Variants in LBP observed in about 807,000 individuals in gnomAD.
LBP encodes lipopolysaccharide-binding protein.
Under a neutral mutation model 56.6 loss-of-function variants are expected in LBP, and 53 were observed. The ratio of observed to expected loss-of-function variants is 0.94; its 90% CI spans 0.75 to 1.18. LBP has a LOEUF of 1.18. LBP is among the 50% of genes most tolerant of loss of function. The probability of loss-of-function intolerance (pLI) is 0.00; values close to 1 mark genes in which losing one functional copy is unlikely to be tolerated. For synonymous variants in LBP, 227 were observed against 247.5 expected, an observed-to-expected ratio of 0.92 and a Z score of 0.78; for missense variants, 601 against 598.3, an observed-to-expected ratio of 1.00 and a Z score of -0.05.
At chr20:38,363,751 C>G (rs776096320) in intron 6 of LBP, among the ~76,000 whole-genome samples, 11 of 152,036 alleles carry the variant, frequency 7.2e-5, no homozygotes, top group Non-Finnish European at 1.6e-4. Context: ...TGTCTGGAAA[C>G]TGCTTAGGCC....
At chr20:38,373,885 CTAAT>C in intron 13 of LBP, 48 bp from the exon 14 acceptor site, 2 of 1,513,432 alleles carry the variant, frequency 1.3e-6, no homozygotes, top group East Asian at 2.3e-5. Context: ...AAATCTGTCT[CTAAT>C]TATTATTTAT....
chr20:38,350,547 T>C (rs2076816835), intron 2 of LBP, among the ~76,000 whole-genome samples: 2 of 152,136 alleles, frequency 1.3e-5, no homozygotes, highest in South Asian at 2.1e-4. Context: ...CCGTGAGCAA[T>C]TGCATCCCTT....
At chr20:38,367,704 T>C (rs769458975) in intron 9 of LBP, among the ~76,000 whole-genome samples, 9 of 152,204 alleles carry the variant, frequency 5.9e-5, no homozygotes, top group Non-Finnish European at 1.3e-4. Context: ...ACCTTCTTAG[T>C]GAAGCATTTT....
chr20:38,348,376 A>G (rs1483568059), intron 1 of LBP, among the ~76,000 whole-genome samples: 40 of 151,584 alleles, frequency 2.6e-4, no homozygotes, highest in African/African-American at 9.2e-4. Flanking sequence ...GCAATGGCAC[A>G]ATCTCAGCTC....
At chr20:38,360,946 T>C (rs929423655) in intron 6 of LBP, among the ~76,000 whole-genome samples, 179 bp downstream of exon 6, 1 of 152,158 alleles carries the variant, frequency 6.6e-6, no homozygotes, top group Admixed American at 6.5e-5. Flanking sequence ...GTGGATCACC[T>C]GAGGTCAGGA....
intron 8 of LBP, among the ~76,000 whole-genome samples, chr20:38,365,653 C>T (rs1466936330): frequency 1.4e-5 from 2 of 144,022 alleles, no homozygotes; most frequent in East Asian, 2.1e-4. Flanking sequence ...GCTGTGATCT[C>T]ACTACTTCAC....
intron 11 of LBP, 28 bp from the exon 12 acceptor site, chr20:38,371,252 C>G (rs369514601): frequency 3.0e-5 from 48 of 1,603,792 alleles, no homozygotes; most frequent in Middle Eastern, 1.7e-4. Flanking sequence ...AAAGCCCACA[C>G]CTTTTAATCT....
At chr20:38,372,928 C>A in intron 12 of LBP, 144 bp from the exon 13 acceptor site, 3 of 670,574 alleles carry the variant, frequency 4.5e-6, no homozygotes, top group South Asian at 2.0e-5. Flanking sequence ...ACCAAATGTT[C>A]ATCTCAAAAG....
intron 8 of LBP, 74 bp from the exon 9 acceptor site, chr20:38,366,695 G>C: frequency 7.3e-7 from 1 of 1,375,838 alleles, no homozygotes; most frequent in Non-Finnish European, 1.0e-6. Flanking sequence ...ACATCCCCCT[G>C]TCTCCCCAAT....
intron 5 of LBP, among the ~76,000 whole-genome samples, chr20:38,356,012 A>G (rs1269467705): frequency 6.6e-6 from 1 of 150,694 alleles, no homozygotes; most frequent in Non-Finnish European, 1.5e-5. Context: ...TATCTGTAGC[A>G]ATGACTGTGG....
At chr20:38,364,430 T>C in intron 7 of LBP, 146 bp from the exon 8 acceptor site, 1 of 786,634 alleles carries the variant, frequency 1.3e-6, no homozygotes, top group East Asian at 2.5e-5. Flanking sequence ...GAGCTTTTCA[T>C]TAAAAGACAT....
chr20:38,357,104 C>T (rs2076844327), intron 5 of LBP, among the ~76,000 whole-genome samples: 1 of 152,228 alleles, frequency 6.6e-6, no homozygotes, highest in African/African-American at 2.4e-5. Context: ...ATCTGCTCAC[C>T]TCAGTGTCCC....
intron 10 of LBP, 38 bp from the exon 11 acceptor site, chr20:38,370,700 C>G (rs200263745): frequency 6.4e-7 from 1 of 1,574,462 alleles, no homozygotes; most frequent in African/African-American, 1.3e-5. Flanking sequence ...ATACAACCTT[C>G]ATCACTTACA....
chr20:38,362,333 G>A (rs117832305), intron 6 of LBP, among the ~76,000 whole-genome samples: 8,756 of 144,026 alleles, frequency 0.061, 320 homozygotes, highest in South Asian at 0.11. Context: ...TGCTGGGATT[G>A]CAGGCGTGAG....
At chr20:38,376,105 T>C (rs1391130898) in intron 14 of LBP, among the ~76,000 whole-genome samples, 1 of 152,228 alleles carries the variant, frequency 6.6e-6, no homozygotes, top group Non-Finnish European at 1.5e-5. Context: ...GCAAGTATGA[T>C]AGCTTCTAGC....
chr20:38,373,257 T>C (rs1362193615), intron 13 of LBP, 122 bp downstream of exon 13: 79 of 799,078 alleles, frequency 9.9e-5, no homozygotes, highest in Non-Finnish European at 6.9e-5. Context: ...GTCACTTCTC[T>C]CTGAGCTTAG....
chr20:38,360,623 A>G (rs1419232273), intron 5 of LBP, 81 bp from the exon 6 acceptor site: 2 of 885,924 alleles, frequency 2.3e-6, no homozygotes, highest in Non-Finnish European at 1.9e-6. Context: ...CATGTGTGGA[A>G]TAATGTGACT....
At chr20:38,357,671 A>G (rs777017667) in intron 5 of LBP, among the ~76,000 whole-genome samples, 2 of 152,198 alleles carry the variant, frequency 1.3e-5, no homozygotes, top group Non-Finnish European at 2.9e-5. Flanking sequence ...AATGACGGAA[A>G]AGAATGGCTA....
At chr20:38,362,115 G>A (rs2076862571) in intron 6 of LBP, among the ~76,000 whole-genome samples, 1 of 145,614 alleles carries the variant, frequency 6.9e-6, no homozygotes, top group Non-Finnish European at 1.5e-5. Flanking sequence ...CTGGAGTGCA[G>A]TGGCGCAATC....
Sources: gnomAD v4.1 joint callset for allele counts (sites outside exome capture counted in the v4.1 genomes callset) on GRCh38, gnomAD v4.1.1 for gene constraint, MANE v1.5 for transcripts, NCBI Gene and HGNC (gene_info 2026-07-23, HGNC 2026-07-21) for gene names.